The following CEMIP variants were observed in gnomAD, a reference collection of about 807,000 sequenced individuals.
CEMIP encodes cell migration-inducing and hyaluronan-binding protein.
Under a neutral mutation model 156.9 loss-of-function variants are expected in CEMIP, and 105 were observed. The observed-to-expected ratio is 0.67, with a 90% CI of 0.57 to 0.79. The LOEUF (loss-of-function observed/expected upper bound fraction) is 0.79. CEMIP is among the 30% of genes least tolerant of loss of function. The pLI is 0.00. For synonymous variants in CEMIP, 676 were observed against 668.4 expected (o/e 1.01, Z -0.17); for missense variants, 1,457 against 1,769.4 (o/e 0.82, Z 3.17).
intron 12 of CEMIP, among the ~76,000 whole-genome samples, chr15:80,899,984 A>G (rs1899403611): frequency 6.6e-6 from 1 of 152,092 alleles, no homozygotes; most frequent in African/African-American, 2.4e-5. Context: ...CATTTGGACT[A>G]TTTAGGAGGG....
chr15:80,898,929 T>C (rs997351633), intron 12 of CEMIP, among the ~76,000 whole-genome samples: 44 of 152,214 alleles, frequency 2.9e-4, no homozygotes, highest in Admixed American at 3.3e-4. Flanking sequence ...AGAAAGCACA[T>C]ACAGGCCGGG....
At chr15:80,892,465 T>G (rs1438771805) in intron 10 of CEMIP, among the ~76,000 whole-genome samples, 1 of 152,210 alleles carries the variant, frequency 6.6e-6, no homozygotes, top group Non-Finnish European at 1.5e-5. Flanking sequence ...CCAGCCACCC[T>G]TCAAGGCCAG....
intron 16 of CEMIP, 57 bp from the exon 17 acceptor site, chr15:80,921,952 C>T: frequency 6.2e-7 from 1 of 1,612,108 alleles, no homozygotes; most frequent in Non-Finnish European, 8.5e-7. Flanking sequence ...GCCACCTTGC[C>T]CAGGAGCTCT....
chr15:80,937,000 G>C (rs1396114625), intron 24 of CEMIP, 115 bp downstream of exon 24: 8 of 971,566 alleles, frequency 8.2e-6, no homozygotes, highest in Non-Finnish European at 1.1e-5. Flanking sequence ...ATCCATGCAG[G>C]AGTACCTAGA....
chr15:80,783,922 ACTC>A (rs1330835340), intron 1 of CEMIP, among the ~76,000 whole-genome samples: 1 of 151,678 alleles, frequency 6.6e-6, no homozygotes, highest in Non-Finnish European at 1.5e-5. Context: ...AGGAGCTGCT[ACTC>A]CTCTCTGCCC....
intron 8 of CEMIP, among the ~76,000 whole-genome samples, chr15:80,888,228 C>G (rs1255738160): frequency 2.0e-5 from 3 of 151,954 alleles, no homozygotes; most frequent in African/African-American, 7.3e-5. Context: ...AAGAATTAGC[C>G]AGGCATGGTG....
At chr15:80,835,738 C>G (rs1401162291) in intron 1 of CEMIP, among the ~76,000 whole-genome samples, 1 of 152,170 alleles carries the variant, frequency 6.6e-6, no homozygotes, top group Non-Finnish European at 1.5e-5. Flanking sequence ...TTAGGGGTTT[C>G]CTCTTTCTTA....
chr15:80,788,043 A>C (rs540184651), intron 1 of CEMIP, among the ~76,000 whole-genome samples: 1 of 152,144 alleles, frequency 6.6e-6, no homozygotes, highest in Non-Finnish European at 1.5e-5. Context: ...CAGGAGTCCT[A>C]CTGAATCCTG....
intron 1 of CEMIP, among the ~76,000 whole-genome samples, chr15:80,791,020 A>C (rs1896068011): frequency 6.6e-6 from 1 of 152,148 alleles, no homozygotes; most frequent in Non-Finnish European, 1.5e-5. Flanking sequence ...GTGATATTTG[A>C]TTGGGCCTTA....
chr15:80,832,322 CTG>C (rs58855328), intron 1 of CEMIP, among the ~76,000 whole-genome samples: 2,003 of 128,064 alleles, frequency 0.016, 25 homozygotes, highest in Admixed American at 0.022. Context: ...AAAATAAACT[CTG>C]TGTGTGTGTG....
At chr15:80,802,937 G>A (rs7169395) in intron 1 of CEMIP, among the ~76,000 whole-genome samples, 8,734 of 152,280 alleles carry the variant, frequency 0.057, 307 homozygotes, top group Middle Eastern at 0.12. Context: ...GTCAGTTTGG[G>A]CTGCTATAAC....
At chr15:80,827,518 C>G (rs1318269630) in intron 1 of CEMIP, among the ~76,000 whole-genome samples, 5 of 152,086 alleles carry the variant, frequency 3.3e-5, no homozygotes, top group African/African-American at 7.2e-5. Context: ...ACTTGGGAAG[C>G]TGAGGCAGGA....
intron 6 of CEMIP, among the ~76,000 whole-genome samples, chr15:80,882,689 T>G (rs1567081886): frequency 6.6e-6 from 1 of 152,174 alleles, no homozygotes; most frequent in Admixed American, 6.5e-5. Flanking sequence ...TTAAAGTATA[T>G]GTTGGAGATC....
At chr15:80,848,930 T>A (rs1357829917) in intron 1 of CEMIP, among the ~76,000 whole-genome samples, 2 of 18,548 alleles carry the variant, frequency 1.1e-4, no homozygotes, top group African/African-American at 4.4e-4. Flanking sequence ...ACACACACCC[T>A]GGCTTCAGGG....
intron 1 of CEMIP, among the ~76,000 whole-genome samples, chr15:80,788,036 G>T (rs1895983848): frequency 6.6e-6 from 1 of 152,178 alleles, no homozygotes. Context: ...CTCGCCTCAG[G>T]AGTCCTACTG....
chr15:80,865,536 A>C (rs1898102742), intron 1 of CEMIP, among the ~76,000 whole-genome samples: 3 of 152,190 alleles, frequency 2.0e-5, no homozygotes, highest in Admixed American at 1.3e-4. Flanking sequence ...TTACATAGCC[A>C]CATGTGATTC....
intron 1 of CEMIP, among the ~76,000 whole-genome samples, chr15:80,816,100 G>A (rs1039075043): frequency 6.6e-6 from 1 of 152,084 alleles, no homozygotes; most frequent in Non-Finnish European, 1.5e-5. Flanking sequence ...AAAAGTCAGC[G>A]CTATTTTTCT....
In CEMIP at chr15:80,796,784, G is replaced by A. The variant is rs137997960; in HGVS notation, c.-176+17170G>A. 6.4e-3 allele frequency among the ~76,000 whole-genome samples: 971 copies of A among 152,284 alleles called. 7 individuals are homozygous for A. Among genetic ancestry groups the A allele is most frequent in the African/African-American group, 0.023 (941 of 41,558 alleles). ...TCCTACCTTTCAATCTGGGAGCGTG[G>A]GGTGGGTGACTGGGGTCAGGAGAAC... is the stretch of plus-strand genomic sequence containing the variant. On this transcript the variant is annotated intron_variant, in intron 1 of 29. Transcript: ENST00000394685.
intron 14 of CEMIP, among the ~76,000 whole-genome samples, chr15:80,919,184 T>A (rs184933956): frequency 1.9e-4 from 29 of 152,318 alleles, no homozygotes; most frequent in Non-Finnish European, 3.5e-4. Context: ...ATGCACGTCT[T>A]GGGCTGACAA....
Sources: gnomAD v4.1 joint callset for allele counts (sites outside exome capture counted in the v4.1 genomes callset) on GRCh38, gnomAD v4.1.1 for gene constraint, MANE v1.5 for transcripts, NCBI Gene and HGNC (gene_info 2026-07-23, HGNC 2026-07-21) for gene names.